Variants in GTF2I observed in about 807,000 individuals in gnomAD.
The protein encoded by GTF2I is general transcription factor IIi.
Under a neutral mutation model 67.6 loss-of-function variants are expected in GTF2I, and 12 were observed. The ratio of observed to expected loss-of-function variants is 0.18; its 90% CI spans 0.11 to 0.29. The LOEUF (loss-of-function observed/expected upper bound fraction) is 0.29. Among genes scored for constraint, GTF2I ranks in the 10% least tolerant of loss-of-function variants. The probability of loss-of-function intolerance (pLI) is 1.00; values close to 1 mark genes in which losing one functional copy is unlikely to be tolerated. For missense variants in GTF2I, 271 were observed against 580.1 expected, an observed-to-expected ratio of 0.47 and a Z score of 5.47; for synonymous variants, 149 against 197.0, an observed-to-expected ratio of 0.76 and a Z score of 2.04.
intron 1 of GTF2I, among the ~76,000 whole-genome samples, chr7:74,676,646 G>A (rs587665842): frequency 2.6e-5 from 4 of 152,252 alleles, no homozygotes; most frequent in Non-Finnish European, 4.4e-5. Context: ...AATCTGAACT[G>A]ATTATATTAA....
chr7:74,682,805 A>G (rs986696785), intron 1 of GTF2I, among the ~76,000 whole-genome samples: 5 of 152,212 alleles, frequency 3.3e-5, no homozygotes, highest in Non-Finnish European at 5.9e-5. Flanking sequence ...AAGAAATATG[A>G]CAATCTTGAA....
At chr7:74,685,587 C>T (rs1554395240) in intron 1 of GTF2I, among the ~76,000 whole-genome samples, 1 of 151,848 alleles carries the variant, frequency 6.6e-6, no homozygotes, top group Non-Finnish European at 1.5e-5. Context: ...GCCAACATGG[C>T]GAAACTCCAT....
At chr7:74,710,334 C>CT (rs782461600) in intron 8 of GTF2I, among the ~76,000 whole-genome samples, 26 of 150,974 alleles carry the variant, frequency 1.7e-4, no homozygotes, top group African/African-American at 2.4e-4. Context: ...ATTTCTTTTT[C>CT]TTTTTTTTTG....
At chr7:74,724,492 C>CA (rs1236576118) in intron 12 of GTF2I, among the ~76,000 whole-genome samples, 2 of 152,044 alleles carry the variant, frequency 1.3e-5, no homozygotes, top group African/African-American at 2.4e-5. Flanking sequence ...TAATATGTTG[C>CA]AAAAAGGAAG....
At chr7:74,700,810 ACTTGTTTTTTTGTTTTCAGCTTCGCTG>A (rs1454449054) in intron 6 of GTF2I, among the ~76,000 whole-genome samples, 176 bp downstream of exon 6, 3 of 152,182 alleles carry the variant, frequency 2.0e-5, no homozygotes, top group Non-Finnish European at 2.9e-5. Context: ...AAAAGTGGAG[ACTTGTTTTTTTGTTTTCAGCTTCGCTG>A]CTTGTTTTCT....
intron 9 of GTF2I, among the ~76,000 whole-genome samples, chr7:74,712,652 CTT>C (rs67504763): frequency 3.4e-4 from 39 of 114,130 alleles, no homozygotes; most frequent in African/African-American, 3.7e-4. Context: ...CAAGATTTAT[CTT>C]TTTTTTTTTT....
chr7:74,706,883 CTT>C (rs587702704), intron 8 of GTF2I, among the ~76,000 whole-genome samples: 108 of 152,284 alleles, frequency 7.1e-4, no homozygotes, highest in African/African-American at 2.5e-3. Flanking sequence ...TGGAGTCTTG[CTT>C]TGTCACCCAG....
At chr7:74,685,562 T>A (rs1354617082) in intron 1 of GTF2I, among the ~76,000 whole-genome samples, 1 of 152,024 alleles carries the variant, frequency 6.6e-6, no homozygotes, top group Non-Finnish European at 1.5e-5. Flanking sequence ...AAGTCAGAAG[T>A]TCCAGACCAG....
chr7:74,680,505 C>T (rs1554393869), intron 1 of GTF2I, among the ~76,000 whole-genome samples: 4 of 152,052 alleles, frequency 2.6e-5, no homozygotes, highest in African/African-American at 9.6e-5. Flanking sequence ...CTTTGGTAGA[C>T]TGAGGCGGGA....
intron 1 of GTF2I, among the ~76,000 whole-genome samples, chr7:74,679,464 G>T (rs1040308767): frequency 2.0e-5 from 3 of 152,032 alleles, no homozygotes; most frequent in Non-Finnish European, 4.4e-5. Context: ...TATCATCTTT[G>T]CTTTCTAATG....
At chr7:74,678,453 C>T (rs2131246228) in intron 1 of GTF2I, among the ~76,000 whole-genome samples, 1 of 152,198 alleles carries the variant, frequency 6.6e-6, no homozygotes, top group Admixed American at 6.5e-5. Flanking sequence ...TTGAGTTTAT[C>T]TCGCCTTCCT....
intron 3 of GTF2I, among the ~76,000 whole-genome samples, chr7:74,692,836 C>T (rs183547528): frequency 6.6e-6 from 1 of 152,234 alleles, no homozygotes; most frequent in Admixed American, 6.5e-5. Context: ...GATCTCGGCT[C>T]ACCGCAACCT....
chr7:74,679,666 G>T (rs1787042578), intron 1 of GTF2I, among the ~76,000 whole-genome samples: 1 of 151,938 alleles, frequency 6.6e-6, no homozygotes, highest in African/African-American at 2.4e-5. Flanking sequence ...TTGAACTCTA[G>T]ACCTCAAGCG....
At chr7:74,699,737 A>G (rs1789479117) in intron 4 of GTF2I, 1 of 156,012 alleles carries the variant, frequency 6.4e-6, no homozygotes, top group African/African-American at 2.4e-5. Context: ...GCAGGGTCAT[A>G]GGTGAAAATC....
intron 3 of GTF2I, among the ~76,000 whole-genome samples, chr7:74,693,265 ATTTTTT>A (rs1158949751): frequency 2.4e-5 from 2 of 83,020 alleles, no homozygotes; most frequent in African/African-American, 1.0e-4. Context: ...CTGTAGTGGA[ATTTTTT>A]TTTTTTTTTT....
intron 6 of GTF2I, among the ~76,000 whole-genome samples, chr7:74,704,257 T>G (rs951316243): frequency 2.0e-5 from 3 of 150,194 alleles, no homozygotes; most frequent in African/African-American, 7.4e-5. Context: ...TTTTTTAAAC[T>G]TAATTATTAT....
At chr7:74,717,253 A>G (rs1792378509) in intron 11 of GTF2I, among the ~76,000 whole-genome samples, 1 of 152,108 alleles carries the variant, frequency 6.6e-6, no homozygotes, top group African/African-American at 2.4e-5. Context: ...TCTTTTAAGG[A>G]AGAATAGCTT....
intron 8 of GTF2I, among the ~76,000 whole-genome samples, chr7:74,707,787 A>G (rs782135478): frequency 6.6e-6 from 1 of 152,154 alleles, no homozygotes; most frequent in Non-Finnish European, 1.5e-5. Flanking sequence ...GTTTGCTTCT[A>G]AAAAGAAACA....
chr7:74,661,556 G>C (rs1049572008), intron 1 of GTF2I, among the ~76,000 whole-genome samples: 6 of 152,034 alleles, frequency 3.9e-5, no homozygotes, highest in Non-Finnish European at 8.8e-5. Context: ...GCGTGCGTAC[G>C]TAGTTTCAGC....
Sources: gnomAD v4.1 joint callset for allele counts (sites outside exome capture counted in the v4.1 genomes callset) on GRCh38, gnomAD v4.1.1 for gene constraint, MANE v1.5 for transcripts, NCBI Gene and HGNC (gene_info 2026-07-23, HGNC 2026-07-21) for gene names.